P4HB: variants seen among roughly 807,000 people sequenced by gnomAD.
P4HB encodes the protein protein disulfide-isomerase.
A neutral mutation model predicts 52.6 loss-of-function variants in P4HB; 20 were observed. That is an observed-to-expected ratio of 0.38 (90% CI 0.27 to 0.55). The LOEUF is 0.55. Among genes scored for constraint, P4HB ranks in the 20% least tolerant of loss-of-function variants. P4HB has a pLI of 0.74. For synonymous variants in P4HB, 296 were observed against 277.9 expected, an observed-to-expected ratio of 1.07 and a Z score of -0.65; for missense variants, 601 against 669.2, an observed-to-expected ratio of 0.90 and a Z score of 1.12.
chr17:81,843,176 AC>A lies in P4HB; in HGVS notation c.*835del, dbSNP rs1422911430. 1 of 234,846 alleles carries A rather than the reference AC, an allele frequency of 4.3e-6. No homozygotes were observed. The highest frequency in any genetic ancestry group is 8.2e-6 in the Non-Finnish European group (1 of 122,390). 14.5% of individuals were successfully genotyped at this position (234,846 alleles called of 1,614,324 possible). Reference sequence around the variant, plus strand: ...GGCAAGGACAGGTGGTAAAATTTCAACTTTATTTGGCCAATGTGTTCAATTC... The same window carrying A: ...GGCAAGGACAGGTGGTAAAATTTCAATTTATTTGGCCAATGTGTTCAATTC... On this transcript the variant is annotated 3_prime_UTR_variant, in exon 11 of 11. Coordinates refer to ENST00000331483, the MANE Select transcript of P4HB (RefSeq NM_000918.4).
intron 4 of P4HB, 52 bp from the exon 5 acceptor site, chr17:81,847,399 C>T (rs1421338963): frequency 4.7e-6 from 7 of 1,498,660 alleles, no homozygotes; most frequent in Non-Finnish European, 6.5e-6. Flanking sequence ...GAGCACAGCC[C>T]CTGGGCCCGG....
chr17:81,858,504 C>A (rs1329765698), intron 2 of P4HB, among the ~76,000 whole-genome samples: 1 of 152,204 alleles, frequency 6.6e-6, no homozygotes, highest in Non-Finnish European at 1.5e-5. Flanking sequence ...CCATGAGCAT[C>A]TGACATGCCA....
In P4HB at chr17:81,855,387, G is replaced by A; in HGVS notation, c.486+66C>T. ...GGGGACACGTGCAGAACTGCCAGCT[G>A]CAGGCTGTGGACCCCTCCTCAATGG... On this transcript the variant is annotated intron_variant, in intron 3 of 10. Coordinates refer to ENST00000331483, the MANE Select transcript of P4HB (RefSeq NM_000918.4). The surrounding 1 kb of genome is among the most constrained non-coding windows in gnomAD (Gnocchi z 4.3). The A allele has an allele frequency of 6.3e-7, 1 of 1,594,698 alleles. No homozygotes were observed.
At position 81,843,764 on chromosome 17, in the gene P4HB, G is replaced by A. The variant is rs200334750; in HGVS notation, c.*248C>T. 8 of 590,614 alleles carry A rather than the reference G, an allele frequency of 1.4e-5. No individual in the cohort carries two copies. Among genetic ancestry groups the A allele is most frequent in the Non-Finnish European group, 2.4e-5 (8 of 332,598 alleles). The allele number at this position is 590,614 out of a possible 1,614,324, so 36.6% of individuals were successfully genotyped here. On this transcript the variant is annotated 3_prime_UTR_variant, in exon 11 of 11. Transcript: ENST00000331483. ...CTCATGTATGAAAAAGTACATCATG[G>A]TTTCAGGAAACAAGCCCCACCAGGG...
At position 81,843,809 on chromosome 17, in the gene P4HB, T is replaced by G; in HGVS notation, c.*203A>C. ...CCAGGGTGGGCTGCCTGGAGATGGA[T>G]CCCTTTCCAAAAACCGAAAAGCAGA... On this transcript the variant is annotated 3_prime_UTR_variant, in exon 11 of 11. Coordinates refer to ENST00000331483, the MANE Select transcript of P4HB (RefSeq NM_000918.4). 1.6e-6 allele frequency: 1 copy of G among 610,066 alleles called. No individual in the cohort carries two copies. The allele number at this position is 610,066 out of a possible 1,614,324, so 37.8% of individuals were successfully genotyped here.
At chr17:81,858,018 G>C (rs1260824903) in intron 2 of P4HB, among the ~76,000 whole-genome samples, 1 of 152,122 alleles carries the variant, frequency 6.6e-6, no homozygotes, top group Non-Finnish European at 1.5e-5. Flanking sequence ...AATCACGCCT[G>C]TAATCCTAGC....
At position 81,844,673 on chromosome 17, in the gene P4HB, G is replaced by A. The variant is rs113722251; in HGVS notation, c.1446+471C>T. On this transcript the variant is annotated intron_variant, in intron 10 of 10. Transcript: ENST00000331483. ...CTCCTTCACCATGGTCAAGCACCCC[G>A]CCCCTGCCGCATCCTCCCAACACCA... Among the ~76,000 whole-genome samples, 711 of 152,226 alleles carry A rather than the reference G, an allele frequency of 4.7e-3. 5 individuals are homozygous for A. Among genetic ancestry groups the A allele is most frequent in the African/African-American group, 0.016 (655 of 41,544 alleles).
rs1239930455 is a variant in P4HB, at chr17:81,855,346, T to TAGAG, written c.487-71_487-68dup. Reference sequence around the variant, plus strand: ...GCACCAAGCAGTAGGGCAGACCCTGTAGAGCCCAGGCCAGGGGGGACACGT... The same window carrying TAGAG: ...GCACCAAGCAGTAGGGCAGACCCTGTAGAGAGAGCCCAGGCCAGGGGGGACACGT... On this transcript the variant is annotated intron_variant, in intron 3 of 10. Transcript: ENST00000331483. This position sits in a 1 kb window ranked among gnomAD's most constrained non-coding sequence, Gnocchi z 4.3. The TAGAG allele has an allele frequency of 1.9e-6, 3 of 1,606,984 alleles. No individual in the cohort carries two copies. In the East Asian group the frequency reaches 6.7e-5, roughly 36 times the overall value.
rs1352676909 is a variant in P4HB, at chr17:81,846,314, CCT to C, written c.1056+113_1056+114del. On this transcript the variant is annotated intron_variant, in intron 7 of 10. Coordinates refer to ENST00000331483, the MANE Select transcript of P4HB (RefSeq NM_000918.4). This position sits in a 1 kb window ranked among gnomAD's most constrained non-coding sequence, Gnocchi z 5.7. ...GTCTTCACACCATCTTGGGCTCCGT[CCT>C]CTTACTCTGAAGATCTTACTTTGAG... 3.0e-6 allele frequency: 3 copies of C among 989,688 alleles called. No individual in the cohort carries two copies. Among genetic ancestry groups the C allele is most frequent in the Non-Finnish European group, 3.1e-6 (2 of 643,918 alleles). The allele number at this position is 989,688 out of a possible 1,614,324, so 61.3% of individuals were successfully genotyped here.
At chr17:81,847,390 A>C in intron 4 of P4HB, 43 bp from the exon 5 acceptor site, 1 of 1,533,468 alleles carries the variant, frequency 6.5e-7, no homozygotes, top group Non-Finnish European at 9.0e-7. Flanking sequence ...TGCTGCTGGG[A>C]GCACAGCCCC....
chr17:81,847,410 G>A, intron 4 of P4HB, 63 bp from the exon 5 acceptor site: 3 of 1,421,624 alleles, frequency 2.1e-6, no homozygotes, highest in Non-Finnish European at 3.0e-6. Context: ...CTGGGCCCGG[G>A]TCTCCCTGGA....
rs901002093 is a variant in P4HB at position 81,858,257 on chromosome 17, CAAA to C, written c.352+921_352+923del. On this transcript the variant is annotated intron_variant, in intron 2 of 10. Coordinates refer to ENST00000331483, the MANE Select transcript of P4HB (RefSeq NM_000918.4). ...ACTGCACGACAGAGCGAGACTGTCT[CAAA>C]AAAAAAAAAAAAAAAAAAAAAAGGA... 1.9e-3 allele frequency among the ~76,000 whole-genome samples: 73 copies of C among 38,792 alleles called. 2 individuals are homozygous for C. The highest frequency in any genetic ancestry group is 5.3e-3 in the African/African-American group (69 of 13,036). 25.4% of individuals were successfully genotyped at this position (38,792 alleles called of 152,430 possible).
chr17:81,860,462 G>C lies in P4HB; in HGVS notation c.10C>G (p.Arg4Gly), dbSNP rs1325574460. 7 of 1,336,714 alleles carry C rather than the reference G, an allele frequency of 5.2e-6. No individual in the cohort carries two copies. The highest frequency in any genetic ancestry group is 6.2e-5 in the East Asian group (2 of 32,140). 82.8% of individuals were successfully genotyped at this position (1,336,714 alleles called of 1,614,324 possible). Reference protein sequence around the residue: MLRRALLCLAVAAL... With the variant: MLRGALLCLAVAAL... ...GCCACGGCCAGGCACAGCAGAGCGCGGCGCAGCATGTCGGACACGGATCAG... is the reference window on the plus strand; with the variant it reads ...GCCACGGCCAGGCACAGCAGAGCGCCGCGCAGCATGTCGGACACGGATCAG... Residue 4 changes from arginine (R) to glycine (G), a missense_variant, in exon 1 of 11, where the codon CGC becomes GGC. Coordinates refer to ENST00000331483, the MANE Select transcript of P4HB (RefSeq NM_000918.4).
At chr17:81,844,861 G>C (rs1359597298) in intron 10 of P4HB, among the ~76,000 whole-genome samples, 1 of 152,250 alleles carries the variant, frequency 6.6e-6, no homozygotes, top group Admixed American at 6.5e-5. Context: ...GTGAGGAACC[G>C]GTGCCATGTG....
intron 4 of P4HB, chr17:81,847,647 C>A: frequency 2.2e-6 from 1 of 451,420 alleles, no homozygotes; most frequent in Non-Finnish European, 4.1e-6. Context: ...GGCCCCTAGC[C>A]TTTTCAGGGC....
intron 4 of P4HB, among the ~76,000 whole-genome samples, chr17:81,849,562 A>C (rs1306663580): frequency 1.3e-5 from 2 of 152,188 alleles, no homozygotes; most frequent in African/African-American, 4.8e-5. Context: ...TCTAGTTTCT[A>C]ATACAACAGA....
intron 4 of P4HB, among the ~76,000 whole-genome samples, chr17:81,853,282 T>C (rs1248635148): frequency 1.3e-5 from 2 of 152,086 alleles, no homozygotes; most frequent in Non-Finnish European, 2.9e-5. Context: ...CCGTGCTTAC[T>C]ACAGAAAGTG....
At position 81,855,419 on chromosome 17, in the gene P4HB, G is replaced by C. The variant is rs141588884; in HGVS notation, c.486+34C>G. ...GTGGACCCCTCCTCAATGGATGACG[G>C]AAGGAAGGAAGACTGGAATGCTCTG... On this transcript the variant is annotated intron_variant, in intron 3 of 10. Coordinates refer to ENST00000331483, the MANE Select transcript of P4HB (RefSeq NM_000918.4). This position sits in a 1 kb window ranked among gnomAD's most constrained non-coding sequence, Gnocchi z 4.3. The C allele has an allele frequency of 4.7e-4, 756 of 1,599,196 alleles. 4 individuals carry two copies. In the African/African-American group the frequency reaches 9.0e-3, roughly 19 times the overall value.
Position 81,859,266 on chromosome 17 carries a change from G to C in P4HB, c.267C>G (p.Asp89Glu), listed in dbSNP as rs148691482. ...CGCGCACGCCGTACTGCTGGGCCAG[G>C]TCAGACTCCTCCGTGGCGTCCACCT... ...LAKVDATEESDLAQQYGVRGY... is the reference protein window; with the variant it reads ...LAKVDATEESELAQQYGVRGY... The change falls in exon 2 of 11, where the codon GAC becomes GAG. Residue 89 changes from aspartate to glutamate, a missense_variant. Physicochemically the swap from Asp to Glu is conservative, Grantham distance 45. Transcript: ENST00000331483. The C allele has an allele frequency of 1.1e-5, 17 of 1,614,014 alleles. No homozygotes were observed. Among genetic ancestry groups the C allele is most frequent in the Non-Finnish European group, 1.4e-5 (17 of 1,180,018 alleles).
Sources: gnomAD v4.1 joint callset for allele counts (sites outside exome capture counted in the v4.1 genomes callset) on GRCh38, gnomAD v4.1.1 for gene constraint, Gnocchi (gnomAD v3.1) non-coding constraint, MANE v1.5 for transcripts, NCBI Gene and HGNC (gene_info 2026-07-23, HGNC 2026-07-21) for gene names.